The following ASMTL variants were observed in gnomAD, a reference collection of about 807,000 sequenced individuals.
ASMTL encodes probable bifunctional dTTP/UTP pyrophosphatase/methyltransferase protein.
Under a neutral mutation model 60.3 loss-of-function variants are expected in ASMTL, and 57 were observed. That is an observed-to-expected ratio of 0.95 (90% CI 0.76 to 1.18). ASMTL has a LOEUF of 1.18. ASMTL is among the 50% of genes most tolerant of loss of function. The pLI, the probability that ASMTL is intolerant of heterozygous loss-of-function variation, is 0.00. For missense variants in ASMTL, 981 were observed against 852.6 expected (o/e 1.15, Z -1.88); for synonymous variants, 419 against 373.0 (o/e 1.12, Z -1.42).
rs768866350 is a variant in ASMTL at position 1,403,485 on chromosome X, G to C, written c.1650C>G (p.Ala550=). The part of the protein sequence containing the change: ...SRVAESCKPG[A]GLLLVETLLD... ...GGAGCGTCTCCACCAGCAGCAGGCC[G>C]GCCCCTGAGGGAGACAGCAGAGAGC... The change falls in exon 13 of 13, where the codon GCC becomes GCG. Residue 550 remains alanine (A), a synonymous_variant. Transcript: ENST00000381317. 6.2e-6 allele frequency: 10 copies of C among 1,612,700 alleles called. No individual in the cohort carries two copies. Among genetic ancestry groups the C allele is most frequent in the Non-Finnish European group, 8.5e-6 (10 of 1,179,826 alleles).
chrX:1,432,419 T>G, intron 5 of ASMTL, 42 bp from the exon 6 acceptor site: 1 of 1,508,856 alleles, frequency 6.6e-7, no homozygotes. Context: ...GACGCCAGCT[T>G]GTCACCTCCG....
chrX:1,442,422 C>A, intron 1 of ASMTL, 105 bp from the exon 2 acceptor site: 1 of 1,313,912 alleles, frequency 7.6e-7, no homozygotes, highest in East Asian at 2.4e-5. Context: ...CTACACTCCC[C>A]GACCCTGTCC....
intron 5 of ASMTL, among the ~76,000 whole-genome samples, chrX:1,432,655 C>A (rs1221233967): frequency 1.3e-5 from 2 of 152,008 alleles, no homozygotes; most frequent in Non-Finnish European, 2.9e-5. Flanking sequence ...CGGTGAAACC[C>A]CGTCTCTACT....
chrX:1,422,322 C>T (rs1348438582), intron 8 of ASMTL, among the ~76,000 whole-genome samples: 2 of 152,190 alleles, frequency 1.3e-5, no homozygotes, highest in Non-Finnish European at 2.9e-5. Flanking sequence ...ATTGGGCTTT[C>T]CTGGAGGAGA....
Position 1,403,480 on chromosome X carries a change from A to T in ASMTL, c.1655T>A (p.Leu552Gln). The T allele has an allele frequency of 1.9e-6, 3 of 1,612,892 alleles. No individual in the cohort carries two copies. The highest frequency in any genetic ancestry group is 2.5e-6 in the Non-Finnish European group (3 of 1,179,840). The part of the protein sequence containing the change: ...VAESCKPGAG[L>Q]LLVETLLDEE... Reference sequence around the variant, plus strand: ...ATCCAGGAGCGTCTCCACCAGCAGCAGGCCGGCCCCTGAGGGAGACAGCAG... The same window carrying T: ...ATCCAGGAGCGTCTCCACCAGCAGCTGGCCGGCCCCTGAGGGAGACAGCAG... The change falls in exon 13 of 13, where the codon CTG becomes CAG. Residue 552 changes from leucine (L) to glutamine (Q), a missense_variant. By Grantham distance (113) the Leu-to-Gln change is moderately radical. Coordinates refer to ENST00000381317, the MANE Select transcript of ASMTL (RefSeq NM_004192.4).
At chrX:1,404,199 A>AGATG (rs1348233155) in intron 12 of ASMTL, among the ~76,000 whole-genome samples, 1 of 137,318 alleles carries the variant, frequency 7.3e-6, no homozygotes. Flanking sequence ...TGCATGGATG[A>AGATG]GATGGATGGG....
intron 12 of ASMTL, among the ~76,000 whole-genome samples, chrX:1,408,111 G>A (rs1223258119): frequency 1.3e-5 from 2 of 150,520 alleles, no homozygotes; most frequent in East Asian, 2.0e-4. Flanking sequence ...TGAGGCAGGA[G>A]GATCGCTTGA....
At chrX:1,433,938 G>T (rs2090886522) in intron 5 of ASMTL, among the ~76,000 whole-genome samples, 1 of 152,170 alleles carries the variant, frequency 6.6e-6, no homozygotes, top group African/African-American at 2.4e-5. Flanking sequence ...CTGAGCAGGT[G>T]CTTGCAGGAG....
intron 1 of ASMTL, among the ~76,000 whole-genome samples, chrX:1,451,609 G>T (rs1187750541): frequency 7.0e-6 from 1 of 143,612 alleles, no homozygotes; most frequent in Non-Finnish European, 1.5e-5. Flanking sequence ...ATGCCTAGGG[G>T]TTTCGGGTCA....
At chrX:1,422,260 C>T (rs1346253067) in intron 8 of ASMTL, among the ~76,000 whole-genome samples, 1 of 152,096 alleles carries the variant, frequency 6.6e-6, no homozygotes, top group Non-Finnish European at 1.5e-5. Flanking sequence ...AGATTAACCC[C>T]CCAAAATGTG....
chrX:1,432,585 C>T (rs1486074949), intron 5 of ASMTL, among the ~76,000 whole-genome samples: 15 of 152,274 alleles, frequency 9.9e-5, no homozygotes, highest in Middle Eastern at 6.8e-3. Context: ...ATCCCAGCAC[C>T]TTGGGAGGCC....
At chrX:1,430,607 C>CA (rs1180111682) in intron 6 of ASMTL, among the ~76,000 whole-genome samples, 71 of 151,498 alleles carry the variant, frequency 4.7e-4, no homozygotes, top group African/African-American at 1.6e-3. Flanking sequence ...CCCATTGCTA[C>CA]AAAAAATAGA....
chrX:1,428,411 A>G (rs1248930669), intron 6 of ASMTL, among the ~76,000 whole-genome samples: 1 of 151,724 alleles, frequency 6.6e-6, no homozygotes, highest in South Asian at 2.1e-4. Flanking sequence ...GGAGGCCGAG[A>G]CGGGTGGATT....
intron 9 of ASMTL, 164 bp from the exon 10 acceptor site, chrX:1,419,278 T>C (rs55836037): frequency 0.32 from 91,841 of 284,722 alleles, 15,863 homozygotes; most frequent in African/African-American, 0.43. Flanking sequence ...TGGGCTACTC[T>C]TGTCTGTGTG....
intron 6 of ASMTL, among the ~76,000 whole-genome samples, chrX:1,431,599 AATCT>A (rs1444312355): frequency 2.1e-5 from 3 of 142,744 alleles, no homozygotes; most frequent in Non-Finnish European, 3.0e-5. Flanking sequence ...ATTACAGTAT[AATCT>A]ATTATAGTAT....
chrX:1,419,729 C>A, intron 9 of ASMTL, among the ~76,000 whole-genome samples: 3 of 152,308 alleles, frequency 2.0e-5, no homozygotes, highest in Admixed American at 2.0e-4. Context: ...GAGCCCCGCT[C>A]CCAGCAGGAC....
intron 10 of ASMTL, among the ~76,000 whole-genome samples, chrX:1,418,509 A>G (rs2090381685): frequency 6.6e-6 from 1 of 152,038 alleles, no homozygotes; most frequent in Admixed American, 6.6e-5. Context: ...ATGGGGATGC[A>G]GACACGATGG....
chrX:1,419,626 G>A (rs1274706286), intron 9 of ASMTL, among the ~76,000 whole-genome samples: 1 of 152,056 alleles, frequency 6.6e-6, no homozygotes, highest in African/African-American at 2.4e-5. Flanking sequence ...GGTCCCAGAG[G>A]AGCCCAGGCT....
chrX:1,410,402 A>G (rs2089965356), intron 12 of ASMTL, among the ~76,000 whole-genome samples: 1 of 151,790 alleles, frequency 6.6e-6, no homozygotes, highest in Non-Finnish European at 1.5e-5. Context: ...GGGGACTCCT[A>G]TCTCCACAAA....
Sources: allele counts gnomAD v4.1 joint callset (sites outside exome capture counted in the v4.1 genomes callset), GRCh38; gene constraint gnomAD v4.1.1; transcripts MANE v1.5; gene names NCBI Gene and HGNC (gene_info 2026-07-23, HGNC 2026-07-21).